Variants in C19orf38 observed in about 807,000 individuals in gnomAD.
C19orf38 encodes protein HIDE1.
Under a neutral mutation model 26.6 loss-of-function variants are expected in C19orf38, and 14 were observed. The observed-to-expected ratio is 0.53, with a 90% confidence interval of 0.35 to 0.82. The LOEUF (loss-of-function observed/expected upper bound fraction) is 0.82. Ranked by LOEUF, C19orf38 falls within the 40% of genes least tolerant of loss-of-function variation. C19orf38 has a pLI of 0.01. For synonymous variants in C19orf38, 132 were observed against 128.5 expected, an observed-to-expected ratio of 1.03 and a Z score of -0.18; for missense variants, 261 against 299.5, an observed-to-expected ratio of 0.87 and a Z score of 0.95.
At chr19:10,864,095 C>T (rs1270318351) in intron 6 of C19orf38, among the ~76,000 whole-genome samples, 1 of 152,070 alleles carries the variant, frequency 6.6e-6, no homozygotes, top group Non-Finnish European at 1.5e-5. Flanking sequence ...GAGTCTAGCT[C>T]TGTCGCCCAG....
At position 10,859,380 on chromosome 19, in the gene C19orf38, ATATAT is replaced by A. The variant is rs1245545123; in HGVS notation, c.462-533_462-529del. Among the ~76,000 whole-genome samples the A allele has an allele frequency of 1.1e-3, 39 of 34,358 alleles. 2 individuals are homozygous for A. Among genetic ancestry groups the A allele is most frequent in the East Asian group, 4.2e-3 (3 of 706 alleles). 22.5% of individuals were successfully genotyped at this position (34,358 alleles called of 152,430 possible). ...TATATATATATATATATATATATAT[ATATAT>A]TTTTTTTTTTTTTTTTAGACGGAGT... is the stretch of plus-strand genomic sequence containing the variant. On this transcript the variant is annotated intron_variant, in intron 4 of 6. Transcript: ENST00000397820.
chr19:10,868,261 G>T lies in C19orf38; in HGVS notation c.544-957G>T, dbSNP rs531364145. 8.5e-5 allele frequency among the ~76,000 whole-genome samples: 13 copies of T among 152,244 alleles called. No individual in the cohort carries two copies. In the East Asian group the frequency reaches 1.7e-3, roughly 20 times the overall value. ...TTGTAACACCCTTTCAGGTGGGATC[G>T]ATTATTTTCTTTTTACGAACAAGGA... On this transcript the variant is annotated intron_variant, in intron 6 of 6. Transcript: ENST00000397820.
chr19:10,856,120 G>T (rs1014715683), intron 2 of C19orf38, 145 bp from the exon 3 acceptor site: 34 of 614,250 alleles, frequency 5.5e-5, no homozygotes, highest in African/African-American at 5.5e-4. Flanking sequence ...AGGCTAATTG[G>T]CCAGACACAA....
intron 2 of C19orf38, among the ~76,000 whole-genome samples, chr19:10,854,986 C>A (rs1052081379): frequency 5.3e-5 from 8 of 151,602 alleles, no homozygotes; most frequent in African/African-American, 1.7e-4. Flanking sequence ...AGTTTCTCCC[C>A]CTCATGGAGG....
chr19:10,842,321 C>T (rs1256861029), intron 1 of C19orf38: 6 of 684,798 alleles, frequency 8.8e-6, no homozygotes, highest in Non-Finnish European at 9.9e-6. Context: ...AGTGCAGTGG[C>T]GCGACCTTGG....
chr19:10,858,270 A>T, intron 3 of C19orf38, 46 bp from the exon 4 acceptor site: 1 of 1,437,666 alleles, frequency 7.0e-7, no homozygotes. Context: ...TGCCGGATAC[A>T]ATTAGGACCA....
intron 5 of C19orf38, among the ~76,000 whole-genome samples, chr19:10,861,797 C>T (rs1035413563): frequency 1.3e-5 from 2 of 151,764 alleles, no homozygotes; most frequent in Non-Finnish European, 2.9e-5. Flanking sequence ...TGGCTGGTCT[C>T]GAACTCATGA....
intron 6 of C19orf38, among the ~76,000 whole-genome samples, 190 bp downstream of exon 6, chr19:10,863,397 G>A (rs889884176): frequency 2.0e-5 from 3 of 152,146 alleles, no homozygotes; most frequent in African/African-American, 7.2e-5. Flanking sequence ...AAAATCCCAG[G>A]GGGTGTGTTA....
upstream of C19orf38, among the ~76,000 whole-genome samples, chr19:10,844,402 C>CAA (rs1249868993): frequency 9.2e-5 from 6 of 65,076 alleles, no homozygotes; most frequent in Non-Finnish European, 9.1e-5. Flanking sequence ...GACTCCGTCT[C>CAA]AAAAAAAAAA....
In C19orf38 at chr19:10,850,333, A is replaced by G. The variant is rs1406167470; in HGVS notation, c.106A>G (p.Ile36Val). Reference sequence around the variant, plus strand: ...AAGCAGCCAAGAGGACCCCATCCACATCGCATGCATGGCCCCTGGGAACTT... The same window carrying G: ...AAGCAGCCAAGAGGACCCCATCCACGTCGCATGCATGGCCCCTGGGAACTT... ...YPSSQEDPIH[I>V]ACMAPGNFPG... The change falls in exon 2 of 7, where the codon ATC (isoleucine) becomes GTC (valine). Residue 36 changes from isoleucine to valine, a missense_variant. Transcript: ENST00000397820. 1.9e-6 allele frequency: 3 copies of G among 1,551,148 alleles called. No homozygotes were observed. The highest frequency in any genetic ancestry group is 1.4e-5 in the African/African-American group (1 of 72,990).
At chr19:10,846,664 G>T (rs1204517807), upstream of C19orf38, among the ~76,000 whole-genome samples, 1 of 152,132 alleles carries the variant, frequency 6.6e-6, no homozygotes, top group Non-Finnish European at 1.5e-5. Context: ...TATGTGTCAG[G>T]AATGAAAGAA....
At chr19:10,867,641 CTTTTTTTTTT>C (rs953156656) in intron 6 of C19orf38, among the ~76,000 whole-genome samples, 4 of 58,826 alleles carry the variant, frequency 6.8e-5, no homozygotes, top group South Asian at 6.4e-4. Flanking sequence ...GAAGAACATT[CTTTTTTTTTT>C]TTTTTTTTTT....
chr19:10,854,334 GA>G (rs1784218787), intron 2 of C19orf38, among the ~76,000 whole-genome samples: 1 of 152,110 alleles, frequency 6.6e-6, no homozygotes, highest in South Asian at 2.1e-4. Flanking sequence ...AAAGTGCTGG[GA>G]TTACAGCCAT....
At chr19:10,867,368 G>A (rs1002793812) in intron 6 of C19orf38, among the ~76,000 whole-genome samples, 3 of 150,278 alleles carry the variant, frequency 2.0e-5, no homozygotes, top group African/African-American at 4.9e-5. Context: ...ACTTTGGGAG[G>A]CCAAGGCGGG....
chr19:10,841,075 C>T (rs2146237795), intron 1 of C19orf38, among the ~76,000 whole-genome samples: 1 of 151,408 alleles, frequency 6.6e-6, no homozygotes, highest in African/African-American at 2.4e-5. Context: ...GAAAGGTATC[C>T]ATTCATGTCT....
upstream of C19orf38, among the ~76,000 whole-genome samples, chr19:10,846,121 G>A (rs1480217274): frequency 6.6e-6 from 1 of 151,594 alleles, no homozygotes; most frequent in African/African-American, 2.4e-5. Context: ...GGGTGAGGCT[G>A]CAGTGAGTCA....
chr19:10,856,711 C>T (rs1056201123), intron 3 of C19orf38, among the ~76,000 whole-genome samples: 1 of 151,772 alleles, frequency 6.6e-6, no homozygotes, highest in Non-Finnish European at 1.5e-5. Context: ...GCCATGTTGC[C>T]CAAGCTGGTC....
chr19:10,853,478 G>C (rs766706485), intron 2 of C19orf38, among the ~76,000 whole-genome samples: 1 of 150,478 alleles, frequency 6.6e-6, no homozygotes, highest in African/African-American at 2.5e-5. Flanking sequence ...TAGAGATGGG[G>C]TTTCACAATG....
chr19:10,858,059 T>C (rs575644280), intron 3 of C19orf38, among the ~76,000 whole-genome samples: 4 of 151,314 alleles, frequency 2.6e-5, no homozygotes, highest in African/African-American at 9.7e-5. Flanking sequence ...ACGAACCCTC[T>C]TCTCTACTAA....
Sources: allele counts gnomAD v4.1 joint callset (sites outside exome capture counted in the v4.1 genomes callset), GRCh38; gene constraint gnomAD v4.1.1; transcripts MANE v1.5; gene names NCBI Gene and HGNC (gene_info 2026-07-23, HGNC 2026-07-21).